ADAMTSL1: variants seen among roughly 807,000 people sequenced by gnomAD.
ADAMTSL1 encodes the protein ADAMTS-like protein 1.
Under a neutral mutation model 201.8 loss-of-function variants are expected in ADAMTSL1, and 126 were observed. That is an observed-to-expected ratio of 0.62 (90% CI 0.54 to 0.72). ADAMTSL1 has a LOEUF of 0.72. ADAMTSL1 is among the 30% of genes least tolerant of loss of function. The pLI, the probability that ADAMTSL1 is intolerant of heterozygous loss-of-function variation, is 0.00. For missense variants in ADAMTSL1, 2,679 were observed against 2,277.8 expected (o/e 1.18, Z -3.59); for synonymous variants, 1,121 against 903.4 (o/e 1.24, Z -4.32).
intron 1 of ADAMTSL1, among the ~76,000 whole-genome samples, chr9:18,058,479 T>G (rs1275365470): frequency 3.9e-5 from 6 of 152,214 alleles, no homozygotes; most frequent in Non-Finnish European, 1.5e-5. Context: ...GTATACCATT[T>G]GTTACATTTC....
intron 1 of ADAMTSL1, among the ~76,000 whole-genome samples, chr9:18,145,429 A>G (rs1826598918): frequency 6.6e-6 from 1 of 152,172 alleles, no homozygotes; most frequent in Non-Finnish European, 1.5e-5. Context: ...ACTTGAGGGA[A>G]TGTTAATCAT....
chr9:18,886,168 A>ATG (rs1229697274), intron 23 of ADAMTSL1, among the ~76,000 whole-genome samples: 1,211 of 39,128 alleles, frequency 0.031, 7 homozygotes, highest in Middle Eastern at 0.059. Flanking sequence ...GTGTATGTGT[A>ATG]TATATATATA....
intron 2 of ADAMTSL1, among the ~76,000 whole-genome samples, chr9:18,412,660 A>T (rs1292638845): frequency 6.6e-6 from 1 of 152,008 alleles, no homozygotes; most frequent in Non-Finnish European, 1.5e-5. Context: ...TATAGTTTTG[A>T]TGTGTTTCCA....
chr9:18,759,066 T>A (rs1816445), intron 16 of ADAMTSL1, among the ~76,000 whole-genome samples: 41,751 of 152,086 alleles, frequency 0.27, 6,027 homozygotes, highest in Middle Eastern at 0.35. Context: ...CAATTTATAT[T>A]TCTCTATATT....
Position 18,232,786 on chromosome 9 carries a change from A to G in ADAMTSL1, c.207+68805A>G, listed in dbSNP as rs528688438. ...CATCATGATGTTTTCTGGCACCTTT[A>G]TATAGAAAAGTAGCATCCTGCTCAA... On this transcript the variant is annotated intron_variant, in intron 2 of 29. Coordinates refer to the ADAMTSL1 transcript ENST00000680146. 4.6e-5 allele frequency among the ~76,000 whole-genome samples: 7 copies of G among 152,192 alleles called. 1 individual carries two copies. In the South Asian group the frequency reaches 1.4e-3, roughly 32 times the overall value.
intron 1 of ADAMTSL1, among the ~76,000 whole-genome samples, chr9:17,993,637 T>C (rs1254309242): frequency 1.3e-5 from 2 of 152,144 alleles, no homozygotes; most frequent in Non-Finnish European, 2.9e-5. Context: ...TAGTTAACAT[T>C]CCTTGCAGAA....
rs117936793 is a variant in ADAMTSL1 at position 18,110,636 on chromosome 9, C to T, written c.88-53226C>T. ...GTGTAATGGAATTGGAGCAGCTGCTCTTCTTTTCTTGGTGACTACCAAGCT... is the reference window on the plus strand; with the variant it reads ...GTGTAATGGAATTGGAGCAGCTGCTTTTCTTTTCTTGGTGACTACCAAGCT... On this transcript the variant is annotated intron_variant, in intron 1 of 29. Coordinates refer to the ADAMTSL1 transcript ENST00000680146. 3.9e-4 allele frequency among the ~76,000 whole-genome samples: 59 copies of T among 152,240 alleles called. No homozygotes were observed. In the East Asian group the frequency reaches 0.01, roughly 27 times the overall value.
At chr9:18,099,634 C>G (rs930324985) in intron 1 of ADAMTSL1, among the ~76,000 whole-genome samples, 4 of 142,770 alleles carry the variant, frequency 2.8e-5, no homozygotes, top group African/African-American at 1.1e-4. Context: ...TTCTCTCTCT[C>G]CCTTTTTTTT....
At position 18,117,508 on chromosome 9, in the gene ADAMTSL1, T is replaced by A. The variant is rs72699433; in HGVS notation, c.88-46354T>A. ...CCAAGACAAATTCCTTCAGCCTCCT[T>A]TAAATCTTAGCTGAACTGTCACTTT... On this transcript the variant is annotated intron_variant, in intron 1 of 29. Coordinates refer to the ADAMTSL1 transcript ENST00000680146. 4.9e-3 allele frequency among the ~76,000 whole-genome samples: 744 copies of A among 152,244 alleles called. 3 individuals carry two copies. Among genetic ancestry groups the A allele is most frequent in the Non-Finnish European group, 7.6e-3 (515 of 68,008 alleles).
intron 1 of ADAMTSL1, among the ~76,000 whole-genome samples, chr9:18,111,950 A>G (rs1027792883): frequency 6.6e-6 from 1 of 152,192 alleles, no homozygotes; most frequent in East Asian, 1.9e-4. Flanking sequence ...TAAGTTTTAT[A>G]TGTGATAATT....
intron 13 of ADAMTSL1, among the ~76,000 whole-genome samples, chr9:18,699,003 C>T (rs141510503): frequency 3.3e-5 from 5 of 152,318 alleles, no homozygotes; most frequent in African/African-American, 9.6e-5. Context: ...GCTCAAACAT[C>T]AAGATCCCAG....
At chr9:17,947,134 CTA>C (rs1827521887) in intron 1 of ADAMTSL1, among the ~76,000 whole-genome samples, 1 of 150,574 alleles carries the variant, frequency 6.6e-6, no homozygotes, top group Admixed American at 6.6e-5. Flanking sequence ...AACTATATAG[CTA>C]TATATATTTA....
At chr9:18,890,274 T>A (rs548478719) in intron 25 of ADAMTSL1, among the ~76,000 whole-genome samples, 1 of 152,358 alleles carries the variant, frequency 6.6e-6, no homozygotes, top group African/African-American at 2.4e-5. Context: ...TCTCTGTTTC[T>A]GACAGTAGCC....
At chr9:18,125,809 C>T (rs1825707357) in intron 1 of ADAMTSL1, among the ~76,000 whole-genome samples, 1 of 152,268 alleles carries the variant, frequency 6.6e-6, no homozygotes, top group Non-Finnish European at 1.5e-5. Context: ...TGTAGATTTG[C>T]TCATTTTTCT....
At chr9:18,502,965 G>A (rs1001103760) in intron 1 of ADAMTSL1, among the ~76,000 whole-genome samples, 5 of 151,958 alleles carry the variant, frequency 3.3e-5, no homozygotes, top group East Asian at 3.9e-4. Flanking sequence ...CTTATACAAT[G>A]TAGTGTTTAT....
At chr9:18,791,364 G>C (rs1488320195) in intron 19 of ADAMTSL1, among the ~76,000 whole-genome samples, 2 of 152,148 alleles carry the variant, frequency 1.3e-5, no homozygotes, top group African/African-American at 4.8e-5. Flanking sequence ...CCCCATCCCT[G>C]AAAGGACTTA....
intron 2 of ADAMTSL1, among the ~76,000 whole-genome samples, chr9:18,273,391 C>T (rs1832462216): frequency 6.6e-6 from 1 of 152,148 alleles, no homozygotes; most frequent in Admixed American, 6.5e-5. Context: ...ACCTCACAGT[C>T]ATATTGACAT....
Position 18,434,914 on chromosome 9 carries a change from G to A in ADAMTSL1, c.208-69915G>A, listed in dbSNP as rs79059349. ...ATGTGATTCTTCGACTGGTGTCTAA[G>A]TCAACTACTAGACTGGGAACTCCAT... On this transcript the variant is annotated intron_variant, in intron 2 of 29. Coordinates refer to the ADAMTSL1 transcript ENST00000680146. Among the ~76,000 whole-genome samples, 584 of 152,260 alleles carry A rather than the reference G, an allele frequency of 3.8e-3. 4 individuals carry two copies. The highest frequency in any genetic ancestry group is 0.013 in the African/African-American group (545 of 41,556).
At chr9:18,655,019 A>T (rs1280470681) in intron 7 of ADAMTSL1, among the ~76,000 whole-genome samples, 1 of 152,214 alleles carries the variant, frequency 6.6e-6, no homozygotes, top group Non-Finnish European at 1.5e-5. Flanking sequence ...GGGACCCCTG[A>T]CTGCCAGCCC....
Sources: gnomAD v4.1 joint callset for allele counts (sites outside exome capture counted in the v4.1 genomes callset) on GRCh38, gnomAD v4.1.1 for gene constraint, MANE v1.5 for transcripts, NCBI Gene and HGNC (gene_info 2026-07-23, HGNC 2026-07-21) for gene names.